The following LRRC37A2 variants were observed in gnomAD, a reference collection of about 807,000 sequenced individuals.
LRRC37A2 encodes the protein leucine-rich repeat-containing protein 37A2.
A neutral mutation model predicts 68.8 loss-of-function variants in LRRC37A2; 9 were observed. The observed-to-expected ratio is 0.13, with a 90% CI of 0.08 to 0.23. The LOEUF is 0.23. Ranked by LOEUF, LRRC37A2 falls within the 10% of genes least tolerant of loss-of-function variation. The pLI is 1.00. For synonymous variants in LRRC37A2, 63 were observed against 367.6 expected, an observed-to-expected ratio of 0.17 and a Z score of 9.48; for missense variants, 168 against 950.4, an observed-to-expected ratio of 0.18 and a Z score of 10.82.
chr17:46,847,265 A>G, the LRRC37A2 span, among the ~76,000 whole-genome samples: 2 of 152,090 alleles, frequency 1.3e-5, no homozygotes, highest in Non-Finnish European at 2.9e-5. Context: ...CTTCAGTCCT[A>G]TTTCAGTCTG....
At chr17:46,545,066 G>T (rs1423011405) in intron 8 of LRRC37A2, among the ~76,000 whole-genome samples, 1 of 137,036 alleles carries the variant, frequency 7.3e-6, no homozygotes, top group Non-Finnish European at 1.6e-5. Context: ...TATCCTTCCT[G>T]CCTCGTAACC....
the LRRC37A2 span, among the ~76,000 whole-genome samples, chr17:46,750,612 A>G: frequency 2.0e-5 from 3 of 152,236 alleles, no homozygotes; most frequent in East Asian, 3.8e-4. Context: ...AATATACATG[A>G]CAGTGAGTTA....
At chr17:47,028,091 T>C in the LRRC37A2 span, among the ~76,000 whole-genome samples, 4 of 152,238 alleles carry the variant, frequency 2.6e-5, no homozygotes, top group Admixed American at 1.3e-4. Context: ...CTGTTTTGTA[T>C]CTAATGCACC....
At chr17:46,894,824 A>C in the LRRC37A2 span, among the ~76,000 whole-genome samples, 12 of 151,624 alleles carry the variant, frequency 7.9e-5, no homozygotes, top group African/African-American at 2.9e-4. Context: ...TCAACTTTTC[A>C]CTTCTCCCCC....
the LRRC37A2 span, among the ~76,000 whole-genome samples, chr17:47,030,102 TCATCATC>T: frequency 9.3e-6 from 1 of 107,948 alleles, no homozygotes; most frequent in East Asian, 2.3e-4. Context: ...ATCATCATCA[TCATCATC>T]ATCATCATCA....
chr17:46,939,433 C>T, the LRRC37A2 span: 17 of 991,984 alleles, frequency 1.7e-5, no homozygotes, highest in African/African-American at 1.7e-5. Context: ...TGTTATTTCC[C>T]GGGAGTGTTC....
At chr17:46,981,670 G>T in the LRRC37A2 span, among the ~76,000 whole-genome samples, 1 of 152,072 alleles carries the variant, frequency 6.6e-6, no homozygotes, top group Non-Finnish European at 1.5e-5. Context: ...TTAAGCATGT[G>T]TGTATATCCT....
chr17:46,760,496 A>G, the LRRC37A2 span, among the ~76,000 whole-genome samples: 1 of 151,382 alleles, frequency 6.6e-6, no homozygotes, highest in Non-Finnish European at 1.5e-5. Flanking sequence ...TTAGCTGGGC[A>G]TGGTGACACA....
At chr17:46,860,065 C>A in the LRRC37A2 span, among the ~76,000 whole-genome samples, 1 of 152,144 alleles carries the variant, frequency 6.6e-6, no homozygotes, top group South Asian at 2.1e-4. Context: ...GGGTGGTGGA[C>A]TGAAAGCCAA....
At chr17:46,914,702 CTT>C in the LRRC37A2 span, among the ~76,000 whole-genome samples, 1 of 147,708 alleles carries the variant, frequency 6.8e-6, no homozygotes, top group Non-Finnish European at 1.5e-5. Flanking sequence ...AAAAGAAACT[CTT>C]TGCCTTAGCC....
chr17:46,887,641 G>A, the LRRC37A2 span, among the ~76,000 whole-genome samples: 2 of 152,130 alleles, frequency 1.3e-5, no homozygotes. Context: ...GCATATGCCT[G>A]TAACACCAGA....
chr17:46,791,100 C>T, the LRRC37A2 span, among the ~76,000 whole-genome samples: 1 of 152,282 alleles, frequency 6.6e-6, no homozygotes, highest in South Asian at 2.1e-4. Flanking sequence ...AGGATGCTCA[C>T]ACTCTTTGGC....
chr17:46,769,353 A>C, the LRRC37A2 span, among the ~76,000 whole-genome samples: 3 of 152,102 alleles, frequency 2.0e-5, no homozygotes, highest in Admixed American at 1.3e-4. Flanking sequence ...AGAAAAAAGA[A>C]ATAGGAGTTA....
chr17:46,754,303 A>G, the LRRC37A2 span, among the ~76,000 whole-genome samples: 1 of 151,822 alleles, frequency 6.6e-6, no homozygotes. Context: ...ACTTCTGTTC[A>G]GTGTTTTTCT....
At chr17:46,953,851 A>C in the LRRC37A2 span, among the ~76,000 whole-genome samples, 58 of 152,210 alleles carry the variant, frequency 3.8e-4, no homozygotes, top group East Asian at 8.9e-3. Flanking sequence ...TGAGAAGTGT[A>C]TGTTCATATC....
the LRRC37A2 span, chr17:46,940,687 G>C: frequency 1.2e-6 from 2 of 1,610,954 alleles, no homozygotes; most frequent in Non-Finnish European, 1.7e-6. Context: ...ACATCTTTTC[G>C]TGGTGTGCAC....
the LRRC37A2 span, among the ~76,000 whole-genome samples, chr17:46,907,365 C>T: frequency 6.6e-6 from 1 of 151,882 alleles, no homozygotes; most frequent in Non-Finnish European, 1.5e-5. Context: ...AGAGGTTGAC[C>T]GTGGCAGTGA....
the LRRC37A2 span, among the ~76,000 whole-genome samples, chr17:47,043,354 C>A: frequency 2.0e-5 from 3 of 151,388 alleles, no homozygotes; most frequent in Non-Finnish European, 4.4e-5. Flanking sequence ...ACGGGGATGA[C>A]AGGGCATGGT....
chr17:46,944,148 G>A, the LRRC37A2 span, among the ~76,000 whole-genome samples: 3 of 152,360 alleles, frequency 2.0e-5, no homozygotes, highest in South Asian at 6.2e-4. Context: ...CAGTACAAGA[G>A]GGGACATTCA....
Sources: gnomAD v4.1 joint callset for allele counts (sites outside exome capture counted in the v4.1 genomes callset) on GRCh38, gnomAD v4.1.1 for gene constraint, MANE v1.5 for transcripts, NCBI Gene and HGNC (gene_info 2026-07-23, HGNC 2026-07-21) for gene names.